ABCB9: variants seen among roughly 807,000 people sequenced by gnomAD.
ABCB9 encodes ABC-type oligopeptide transporter ABCB9.
A neutral mutation model predicts 62.0 loss-of-function variants in ABCB9; 36 were observed. The ratio of observed to expected loss-of-function variants is 0.58; its 90% CI spans 0.45 to 0.77. ABCB9 has a LOEUF of 0.77. Ranked by LOEUF, ABCB9 falls within the 30% of genes least tolerant of loss-of-function variation. ABCB9 has a pLI of 0.00. For missense variants in ABCB9, 943 were observed against 1,054.7 expected (o/e 0.89, Z 1.47); for synonymous variants, 435 against 461.4 (o/e 0.94, Z 0.73).
intron 6 of ABCB9, among the ~76,000 whole-genome samples, chr12:122,945,277 C>T (rs1310677900): frequency 2.0e-5 from 3 of 152,208 alleles, no homozygotes; most frequent in Admixed American, 6.5e-5. Context: ...CCTCCTCCCT[C>T]TCACTCCAAA....
Position 122,935,446 on chromosome 12 carries a change from G to C in ABCB9, c.1744-15C>G, listed in dbSNP as rs1262049386. On this transcript the variant is annotated splice_polypyrimidine_tract_variant and intron_variant, in intron 9 of 11. Transcript: ENST00000280560. ...ACCAGGGAGATCTGGGGAGGAGGGA[G>C]CATGGAGCATGAGAGGCCAGGAATG... The C allele has an allele frequency of 6.2e-7, 1 of 1,610,330 alleles. No homozygotes were observed. Among genetic ancestry groups the C allele is most frequent in the Non-Finnish European group, 8.5e-7 (1 of 1,178,186 alleles).
Position 122,965,262 on chromosome 12 carries a change from A to G in ABCB9, c.-88+1025T>C, listed in dbSNP as rs982272421. ...CGGGGGTCCCCTGTCCAGGCTATTCAGGGATTGCAAGAAAAGGGGCCAAAG... is the reference window on the plus strand; with the variant it reads ...CGGGGGTCCCCTGTCCAGGCTATTCGGGGATTGCAAGAAAAGGGGCCAAAG... On this transcript the variant is annotated intron_variant, in intron 1 of 11. Transcript: ENST00000280560. Among the ~76,000 whole-genome samples the G allele has an allele frequency of 5.3e-5, 8 of 152,214 alleles. No homozygotes were observed. In the East Asian group the frequency reaches 1.5e-3, roughly 29 times the overall value.
intron 1 of ABCB9, among the ~76,000 whole-genome samples, chr12:122,960,664 G>A (rs2036843806): frequency 6.6e-6 from 1 of 151,842 alleles, no homozygotes; most frequent in Admixed American, 6.6e-5. Context: ...GATCACCTGA[G>A]GTCAGGAGTT....
At chr12:122,957,699 G>GTTTTTTTT (rs532994359) in intron 2 of ABCB9, among the ~76,000 whole-genome samples, 1 of 125,200 alleles carries the variant, frequency 8.0e-6, no homozygotes, top group African/African-American at 2.9e-5. Context: ...ACTGCTGAGA[G>GTTTTTTTT]TTTTTTTTTT....
intron 9 of ABCB9, 181 bp downstream of exon 9, chr12:122,939,930 G>C: frequency 1.2e-6 from 1 of 848,336 alleles, no homozygotes; most frequent in South Asian, 2.0e-5. Flanking sequence ...GGGATTACAG[G>C]TGTGAGCCAC....
At chr12:122,973,035 A>G (rs761445196) in intron 1 of ABCB9, 2 of 152,252 alleles carry the variant, frequency 1.3e-5, no homozygotes, top group Non-Finnish European at 2.9e-5. Context: ...AAATGGGGGT[A>G]ATAATACCTT....
At chr12:122,928,935 T>A (rs1182964871), downstream of ABCB9, 1 of 917,462 alleles carries the variant, frequency 1.1e-6, no homozygotes, top group East Asian at 1.2e-4. Flanking sequence ...AGAGCCGTGG[T>A]CTGGTGGAAA....
rs138221230 is a variant in ABCB9, at chr12:122,945,901, A to C, written c.1251+124T>G. On this transcript the variant is annotated intron_variant, in intron 6 of 11. Coordinates refer to ENST00000280560, the MANE Select transcript of ABCB9 (RefSeq NM_019625.4). ...TCAAAAAAAAAAAAAAAAAAAAAGA[A>C]AGACAGACAGATTCTCCACCAGCTT... The C allele has an allele frequency of 6.5e-4, 622 of 955,086 alleles. 3 individuals carry two copies. The highest frequency in any genetic ancestry group is 6.4e-3 in the African/African-American group (382 of 59,350). 59.2% of individuals were successfully genotyped at this position (955,086 alleles called of 1,614,324 possible). A position where few individuals can be genotyped will look rare whatever the true frequency, so the allele number is the denominator to read the frequency against.
chr12:122,954,561 C>T (rs1308734889), intron 2 of ABCB9, among the ~76,000 whole-genome samples: 1 of 152,128 alleles, frequency 6.6e-6, no homozygotes, highest in Non-Finnish European at 1.5e-5. Context: ...GGCACGATAT[C>T]AGCTCACTGC....
downstream of ABCB9, among the ~76,000 whole-genome samples, chr12:122,924,072 C>T (rs925134444): frequency 4.6e-5 from 7 of 152,338 alleles, no homozygotes; most frequent in African/African-American, 1.7e-4. Flanking sequence ...CCTCTCATGG[C>T]TCAGCAGCTG....
At chr12:122,963,657 G>C (rs1453583555) in intron 1 of ABCB9, among the ~76,000 whole-genome samples, 1 of 152,078 alleles carries the variant, frequency 6.6e-6, no homozygotes, top group Non-Finnish European at 1.5e-5. Flanking sequence ...AGCCTCTCCA[G>C]GAGGTAGGCA....
Position 122,929,682 on chromosome 12 carries a change from C to A in ABCB9, c.*229G>T, listed in dbSNP as rs976757120. Reference sequence around the variant, plus strand: ...GGCAGCTCTACCTTTGCTTAGGAGGCTAGGGAGGTCCGTGAAGGCGTTGGC... The same window carrying A: ...GGCAGCTCTACCTTTGCTTAGGAGGATAGGGAGGTCCGTGAAGGCGTTGGC... On this transcript the variant is annotated 3_prime_UTR_variant, in exon 12 of 12. Transcript: ENST00000280560. This position sits in a 1 kb window ranked among gnomAD's most constrained non-coding sequence, Gnocchi z 6.0. 4.5e-5 allele frequency: 58 copies of A among 1,285,538 alleles called. No homozygotes were observed. Among genetic ancestry groups the A allele is most frequent in the Non-Finnish European group, 5.6e-5 (57 of 1,014,570 alleles). The allele number at this position is 1,285,538 out of a possible 1,614,324, so 79.6% of individuals were successfully genotyped here.
chr12:122,957,730 C>T (rs1184472480), intron 2 of ABCB9, among the ~76,000 whole-genome samples: 3 of 141,236 alleles, frequency 2.1e-5, no homozygotes, highest in South Asian at 2.3e-4. Flanking sequence ...CTGCCTGCCT[C>T]GGCCTCCCAA....
chr12:122,974,258 A>G lies in ABCB9; in HGVS notation c.-88+457T>C, dbSNP rs1432667429. The stretch of plus-strand genomic sequence containing the variant: ...GGAAATGGATCCTTTCCTAGATAGC[A>G]GGGCCTCTCACTATCACTGGGCAAT... On this transcript the variant is annotated intron_variant, in intron 1 of 11. Transcript: ENST00000392439. 7.2e-5 allele frequency among the ~76,000 whole-genome samples: 11 copies of G among 152,142 alleles called. 1 individual carries two copies. The South Asian group carries it at 1.9e-3, about 26-fold the overall frequency.
downstream of ABCB9, among the ~76,000 whole-genome samples, chr12:122,928,426 G>A (rs1440412617): frequency 4.0e-5 from 6 of 150,162 alleles, no homozygotes; most frequent in Non-Finnish European, 5.9e-5. Flanking sequence ...CCAAGATTGT[G>A]CCACTGCACT....
intron 3 of ABCB9, among the ~76,000 whole-genome samples, 169 bp from the exon 4 acceptor site, chr12:122,950,087 G>T (rs913753131): frequency 6.6e-6 from 1 of 152,158 alleles, no homozygotes; most frequent in African/African-American, 2.4e-5. Flanking sequence ...CCCTCAAGGT[G>T]AGGGCAAAGG....
At chr12:122,966,867 C>A (rs1594085123), upstream of ABCB9, among the ~76,000 whole-genome samples, 1 of 152,238 alleles carries the variant, frequency 6.6e-6, no homozygotes, top group Non-Finnish European at 1.5e-5. Flanking sequence ...GGGTTATGGT[C>A]CTCATTCATT....
downstream of ABCB9, among the ~76,000 whole-genome samples, chr12:122,926,270 C>T (rs1224554502): frequency 1.3e-5 from 2 of 152,122 alleles, no homozygotes; most frequent in African/African-American, 4.8e-5. Flanking sequence ...TTAGGCTGGG[C>T]GCAGTGGCTC....
At chr12:122,926,912 A>G (rs1458941781), downstream of ABCB9, among the ~76,000 whole-genome samples, 2 of 152,172 alleles carry the variant, frequency 1.3e-5, no homozygotes, top group Non-Finnish European at 2.9e-5. Context: ...AAAACAAACA[A>G]ACAAACAAAC....
Sources: gnomAD v4.1 joint callset for allele counts (sites outside exome capture counted in the v4.1 genomes callset) on GRCh38, gnomAD v4.1.1 for gene constraint, Gnocchi (gnomAD v3.1) non-coding constraint, MANE v1.5 for transcripts, NCBI Gene and HGNC (gene_info 2026-07-23, HGNC 2026-07-21) for gene names.